Variants in DSCAML1 observed in about 807,000 individuals in gnomAD.
DSCAML1 encodes cell adhesion molecule DSCAML1.
In DSCAML1, 38 loss-of-function variants were observed where a neutral mutation model predicts 200.5. The ratio of observed to expected loss-of-function variants is 0.19; its 90% CI spans 0.15 to 0.25. The LOEUF (loss-of-function observed/expected upper bound fraction) is 0.25, where lower values mean the gene tolerates loss of function less well. Ranked by LOEUF, DSCAML1 falls within the 10% of genes least tolerant of loss-of-function variation. The pLI is 1.00. For synonymous variants in DSCAML1, 1,215 were observed against 1,165.0 expected (o/e 1.04, Z -0.87); for missense variants, 2,223 against 2,858.8 (o/e 0.78, Z 5.07).
Position 117,489,111 on chromosome 11 carries a change from T to TGGCCACCTCTAGCCATCTGTTTGTC in DSCAML1, c.2360-6974_2360-6950dup, listed in dbSNP as rs2049138902. 6.6e-6 allele frequency among the ~76,000 whole-genome samples: 1 copy of TGGCCACCTCTAGCCATCTGTTTGTC among 152,234 alleles called. No homozygotes were observed. The highest frequency in any genetic ancestry group is 6.5e-5 in the Admixed American group (1 of 15,272). On this transcript the variant is annotated intron_variant, in intron 11 of 32. Coordinates refer to ENST00000651296, the MANE Select transcript of DSCAML1 (RefSeq NM_020693.4). The surrounding 1 kb of genome is among the most constrained non-coding windows in gnomAD (Gnocchi z 4.8). ...GTGTTTCTTCCACCTCTAAGGGGGC[T>TGGCCACCTCTAGCCATCTGTTTGTC]GGCCACCTCTAGCCATCTGTTTGTC...
At chr11:117,816,726 C>CA (rs1339099957) in intron 1 of DSCAML1, among the ~76,000 whole-genome samples, 1 of 148,566 alleles carries the variant, frequency 6.7e-6, no homozygotes, top group East Asian at 2.0e-4. Context: ...GACGCAGCGC[C>CA]AGTGGAGACG....
chr11:117,790,221 A>G (rs2055435352), intron 1 of DSCAML1, among the ~76,000 whole-genome samples: 2 of 152,162 alleles, frequency 1.3e-5, no homozygotes, highest in Non-Finnish European at 2.9e-5. Context: ...CCCACAAAAG[A>G]CTGTGGATTC....
intron 3 of DSCAML1, among the ~76,000 whole-genome samples, chr11:117,641,365 G>C (rs934471822): frequency 3.3e-5 from 5 of 152,204 alleles, no homozygotes; most frequent in African/African-American, 1.2e-4. Context: ...AGCATCCTCT[G>C]CGATCACATT....
chr11:117,464,869 A>G, intron 17 of DSCAML1, 73 bp downstream of exon 17: 1 of 1,571,732 alleles, frequency 6.4e-7, no homozygotes, highest in South Asian at 1.2e-5. Context: ...AGGGACCCAC[A>G]AACCCTCTCT....
intron 1 of DSCAML1, among the ~76,000 whole-genome samples, chr11:117,802,479 T>A (rs1179140044): frequency 6.6e-6 from 1 of 152,230 alleles, no homozygotes; most frequent in Admixed American, 6.5e-5. Context: ...AGTGTTGATT[T>A]AATGACCAGA....
chr11:117,765,718 C>T (rs2054885467), intron 3 of DSCAML1, among the ~76,000 whole-genome samples: 2 of 152,268 alleles, frequency 1.3e-5, no homozygotes, highest in South Asian at 4.1e-4. Flanking sequence ...TTTCTCTATA[C>T]AGAAAATGAA....
intron 3 of DSCAML1, among the ~76,000 whole-genome samples, chr11:117,652,804 C>G (rs2052661181): frequency 6.6e-6 from 1 of 152,184 alleles, no homozygotes; most frequent in African/African-American, 2.4e-5. Flanking sequence ...CCCTCAGCCC[C>G]ATAAAAGGCA....
intron 4 of DSCAML1, among the ~76,000 whole-genome samples, chr11:117,529,966 C>T (rs2050043605): frequency 6.6e-6 from 1 of 152,148 alleles, no homozygotes; most frequent in Non-Finnish European, 1.5e-5. Flanking sequence ...CAGGGCCCCG[C>T]GTCGCTGCAT....
intron 11 of DSCAML1, among the ~76,000 whole-genome samples, chr11:117,501,652 G>T (rs1369863165): frequency 6.6e-6 from 1 of 152,156 alleles, no homozygotes; most frequent in Non-Finnish European, 1.5e-5. Flanking sequence ...AACGGAGGAT[G>T]TGTGAGAGGG....
At chr11:117,666,718 A>T (rs962323297) in intron 3 of DSCAML1, among the ~76,000 whole-genome samples, 6 of 152,148 alleles carry the variant, frequency 3.9e-5, no homozygotes, top group African/African-American at 1.4e-4. Flanking sequence ...TGTCTAAAGG[A>T]AGGTCGCAAA....
At position 117,481,987 on chromosome 11, in the gene DSCAML1, G is replaced by A. The variant is rs2048933504; in HGVS notation, c.2535C>T (p.Gly845=). 5 of 1,614,122 alleles carry A rather than the reference G, an allele frequency of 3.1e-6. No individual in the cohort carries two copies. Among genetic ancestry groups the A allele is most frequent in the East Asian group, 2.2e-5 (1 of 44,878 alleles). The change falls in exon 12 of 33, where the codon GGC becomes GGT. Residue 845 remains glycine, a synonymous_variant. Transcript: ENST00000651296. ...MRYAIATKDN[G]DEVVSTLKLK... ...CCTTCAGTGTGGAGACGACCTCGTC[G>A]CCGTTGTCCTTGGTGGCGATGGCAT... is the stretch of plus-strand genomic sequence containing the variant.
intron 3 of DSCAML1, among the ~76,000 whole-genome samples, chr11:117,709,493 A>G (rs1272533266): frequency 6.6e-6 from 1 of 152,122 alleles, no homozygotes; most frequent in African/African-American, 2.4e-5. Flanking sequence ...AGCCCCAAAT[A>G]TAGTCACATG....
chr11:117,558,254 A>C (rs1363072140), intron 3 of DSCAML1, among the ~76,000 whole-genome samples: 1 of 152,138 alleles, frequency 6.6e-6, no homozygotes, highest in African/African-American at 2.4e-5. Flanking sequence ...ATGAAATTTC[A>C]CGAAACGTGA....
chr11:117,719,043 T>C (rs1394062796), intron 3 of DSCAML1, among the ~76,000 whole-genome samples: 1 of 152,146 alleles, frequency 6.6e-6, no homozygotes, highest in African/African-American at 2.4e-5. Flanking sequence ...AGTTTGTCAG[T>C]TCTGTTCTAG....
chr11:117,717,520 C>G (rs1456135362), intron 3 of DSCAML1, among the ~76,000 whole-genome samples: 1 of 152,194 alleles, frequency 6.6e-6, no homozygotes, highest in Non-Finnish European at 1.5e-5. Context: ...TTGTGAGGCT[C>G]TTTGGGAGCT....
At chr11:117,801,578 C>T (rs952910799), upstream of DSCAML1, 1 of 152,180 alleles carries the variant, frequency 6.6e-6, no homozygotes. Flanking sequence ...GACTGTGATG[C>T]CTATATATAA....
At position 117,796,961 on chromosome 11, in the gene DSCAML1, A is replaced by C. The variant is rs961303319; in HGVS notation, c.46+73T>G. The C allele has an allele frequency of 1.0e-5, 12 of 1,146,586 alleles. No individual in the cohort carries two copies. The African/African-American group carries it at 1.3e-4, about 13-fold the overall frequency. 71.0% of individuals were successfully genotyped at this position (1,146,586 alleles called of 1,614,324 possible). On this transcript the variant is annotated intron_variant, in intron 1 of 32. Coordinates refer to ENST00000651296, the MANE Select transcript of DSCAML1 (RefSeq NM_020693.4). Reference sequence around the variant, plus strand: ...CCCACGCACCTGGAGCCCGCCGGGCACCCCGCCTCGCCGCCAGCCGCGCCA... The same window carrying C: ...CCCACGCACCTGGAGCCCGCCGGGCCCCCCGCCTCGCCGCCAGCCGCGCCA...
chr11:117,743,388 G>A (rs577779556), intron 3 of DSCAML1, among the ~76,000 whole-genome samples: 34 of 152,278 alleles, frequency 2.2e-4, no homozygotes, highest in African/African-American at 7.9e-4. Flanking sequence ...TATCCCAGTT[G>A]TGACCGACAT....
intron 1 of DSCAML1, among the ~76,000 whole-genome samples, chr11:117,815,562 G>A (rs995272638): frequency 2.0e-5 from 3 of 152,118 alleles, no homozygotes; most frequent in Non-Finnish European, 4.4e-5. Flanking sequence ...TTGGGGAAGT[G>A]ACAGTGAGCA....
Sources: allele counts gnomAD v4.1 joint callset (sites outside exome capture counted in the v4.1 genomes callset), GRCh38; gene constraint gnomAD v4.1.1; non-coding constraint Gnocchi (gnomAD v3.1); transcripts MANE v1.5; gene names NCBI Gene and HGNC (gene_info 2026-07-23, HGNC 2026-07-21).